The following SMURF2 variants were observed in gnomAD, a reference collection of about 807,000 sequenced individuals.
SMURF2 encodes the protein SMAD specific E3 ubiquitin protein ligase 2.
A neutral mutation model predicts 109.6 loss-of-function variants in SMURF2; 48 were observed. The ratio of observed to expected loss-of-function variants is 0.44; its 90% CI spans 0.35 to 0.56. The LOEUF (loss-of-function observed/expected upper bound fraction) is 0.56, where lower values mean the gene tolerates loss of function less well. SMURF2 is among the 20% of genes least tolerant of loss of function. The pLI, the probability that SMURF2 is intolerant of heterozygous loss-of-function variation, is 0.01. For synonymous variants in SMURF2, 288 were observed against 317.1 expected (o/e 0.91, Z 0.97); for missense variants, 575 against 909.0 (o/e 0.63, Z 4.72).
intron 1 of SMURF2, among the ~76,000 whole-genome samples, chr17:64,629,880 T>C (rs1399385328): frequency 1.3e-5 from 2 of 152,176 alleles, no homozygotes; most frequent in African/African-American, 4.8e-5. Context: ...AGGAAAGAAC[T>C]GTCCTGGGGG....
At chr17:64,635,169 A>G (rs2144714311) in intron 1 of SMURF2, among the ~76,000 whole-genome samples, 1 of 152,152 alleles carries the variant, frequency 6.6e-6, no homozygotes, top group African/African-American at 2.4e-5. Flanking sequence ...TCTATTAAAA[A>G]TACAAAAATT....
chr17:64,580,443 C>G (rs1036105944), intron 8 of SMURF2, among the ~76,000 whole-genome samples: 7 of 152,246 alleles, frequency 4.6e-5, no homozygotes, highest in African/African-American at 1.7e-4. Context: ...TTCAGATTAC[C>G]GTTATCAGTA....
At chr17:64,621,943 CCAT>C (rs1555690668) in intron 1 of SMURF2, among the ~76,000 whole-genome samples, 1 of 135,130 alleles carries the variant, frequency 7.4e-6, no homozygotes, top group Non-Finnish European at 1.5e-5. Context: ...CTGTAGTGAG[CCAT>C]CATCGCAATA....
chr17:64,636,367 C>A (rs550323602), intron 1 of SMURF2, among the ~76,000 whole-genome samples: 4 of 152,226 alleles, frequency 2.6e-5, no homozygotes, highest in Admixed American at 2.6e-4. Flanking sequence ...CTTTGGGAGG[C>A]TGAGGTTGGT....
At chr17:64,613,707 T>TGTGTGTGA (rs1970078707) in intron 1 of SMURF2, among the ~76,000 whole-genome samples, 1 of 133,480 alleles carries the variant, frequency 7.5e-6, no homozygotes, top group African/African-American at 2.9e-5. Context: ...TGTGTGTGTG[T>TGTGTGTGA]GTGTGTGTGT....
In SMURF2 at chr17:64,613,709, T is replaced by TGTGA. The variant is rs1555689810; in HGVS notation, c.53-7070_53-7069insTCAC. On this transcript the variant is annotated intron_variant, in intron 1 of 18. Coordinates refer to ENST00000262435, the MANE Select transcript of SMURF2 (RefSeq NM_022739.4). ...GTGTGTGTGTGTGTGTGTGTGTGTG[T>TGTGA]GTGTGTGTGTGTGTGTGTGTGTGTG... 3.1e-3 allele frequency among the ~76,000 whole-genome samples: 396 copies of TGTGA among 129,718 alleles called. 13 individuals carry two copies. Among genetic ancestry groups the TGTGA allele is most frequent in the African/African-American group, 0.012 (372 of 29,978 alleles). The allele number at this position is 129,718 out of a possible 152,430, so 85.1% of individuals were successfully genotyped here.
intron 1 of SMURF2, among the ~76,000 whole-genome samples, chr17:64,652,499 T>C (rs1345951162): frequency 6.6e-6 from 1 of 152,224 alleles, no homozygotes; most frequent in Non-Finnish European, 1.5e-5. Flanking sequence ...GTTTGTTTGT[T>C]TGTTTTGAGA....
At chr17:64,590,670 T>C (rs1555687627) in intron 5 of SMURF2, among the ~76,000 whole-genome samples, 1 of 152,198 alleles carries the variant, frequency 6.6e-6, no homozygotes, top group African/African-American at 2.4e-5. Flanking sequence ...CTACCATTGC[T>C]CATTCTGTTT....
rs1251692293 is a variant in SMURF2 at position 64,562,232 on chromosome 17, G to A, written c.1212+539C>T. Among the ~76,000 whole-genome samples, 2 of 126,408 alleles carry A rather than the reference G, an allele frequency of 1.6e-5. 1 individual carries two copies. The highest frequency in any genetic ancestry group is 5.5e-4 in the South Asian group (2 of 3,616). The allele number at this position is 126,408 out of a possible 152,430, so 82.9% of individuals were successfully genotyped here. ...CGCTTGAACCCAGGAGGCAGAGGTT[G>A]CAGTGAGCTGAGATTGCGTCACTGC... On this transcript the variant is annotated intron_variant, in intron 11 of 18. Transcript: ENST00000262435.
intron 16 of SMURF2, among the ~76,000 whole-genome samples, chr17:64,549,860 G>A (rs1473038774): frequency 6.6e-6 from 1 of 152,180 alleles, no homozygotes; most frequent in Non-Finnish European, 1.5e-5. Flanking sequence ...AAAGTCTCCA[G>A]TAAGGCTTCT....
chr17:64,613,553 C>A (rs191551567), intron 1 of SMURF2, among the ~76,000 whole-genome samples: 2 of 151,904 alleles, frequency 1.3e-5, no homozygotes, highest in African/African-American at 4.8e-5. Context: ...GGAGAGAAAT[C>A]TTGTTAGGTG....
At chr17:64,592,747 C>A (rs1555687789) in intron 4 of SMURF2, among the ~76,000 whole-genome samples, 1 of 152,078 alleles carries the variant, frequency 6.6e-6, no homozygotes, top group Non-Finnish European at 1.5e-5. Context: ...AATGGAAAGA[C>A]CCATCCAAAA....
At chr17:64,646,211 G>A (rs1164373048) in intron 1 of SMURF2, among the ~76,000 whole-genome samples, 2 of 150,858 alleles carry the variant, frequency 1.3e-5, no homozygotes, top group African/African-American at 4.9e-5. Context: ...GATTATAGGC[G>A]CACACCACCA....
intron 1 of SMURF2, among the ~76,000 whole-genome samples, chr17:64,649,343 G>A (rs138392304): frequency 6.6e-6 from 1 of 152,100 alleles, no homozygotes; most frequent in African/African-American, 2.4e-5. Context: ...TTTTGAAAGC[G>A]CCAGCATGCT....
rs200892915 is a variant in SMURF2, at chr17:64,606,688, A to C, written c.53-48T>G. ...ATACATGGGAAAAATTAAAATGTTA[A>C]GAGTGTACTGTTACATTTTAAAACA... On this transcript the variant is annotated intron_variant, in intron 1 of 18. Coordinates refer to ENST00000262435, the MANE Select transcript of SMURF2 (RefSeq NM_022739.4). The C allele has an allele frequency of 5.3e-6, 7 of 1,315,114 alleles. No individual in the cohort carries two copies. In the Admixed American group the frequency reaches 1.3e-4, roughly 24 times the overall value. The allele number at this position is 1,315,114 out of a possible 1,614,324, so 81.5% of individuals were successfully genotyped here.
intron 10 of SMURF2, among the ~76,000 whole-genome samples, chr17:64,566,468 A>G (rs1180961748): frequency 6.6e-6 from 1 of 151,478 alleles, no homozygotes; most frequent in Non-Finnish European, 1.5e-5. Flanking sequence ...ACTTTACCGA[A>G]CTAGTAGCTG....
At chr17:64,661,015 G>A (rs1598322640) in intron 1 of SMURF2, among the ~76,000 whole-genome samples, 1 of 152,084 alleles carries the variant, frequency 6.6e-6, no homozygotes, top group Non-Finnish European at 1.5e-5. Flanking sequence ...GAATGGGGAG[G>A]GTGGGGAGAG....
In SMURF2 at chr17:64,554,400, G is replaced by C. The variant is rs181307511; in HGVS notation, c.1748+456C>G. ...CCATAAGAAGTCTGGCTATCTTGTT[G>C]GGAGAGAGAGTGGCTATGGGGGGAG... On this transcript the variant is annotated intron_variant, in intron 15 of 18. Coordinates refer to ENST00000262435, the MANE Select transcript of SMURF2 (RefSeq NM_022739.4). Among the ~76,000 whole-genome samples, 40 of 152,318 alleles carry C rather than the reference G, an allele frequency of 2.6e-4. No individual in the cohort carries two copies. In the East Asian group the frequency reaches 7.3e-3, roughly 28 times the overall value.
At chr17:64,552,709 T>A (rs1443475280) in intron 15 of SMURF2, among the ~76,000 whole-genome samples, 1 of 152,182 alleles carries the variant, frequency 6.6e-6, no homozygotes, top group Non-Finnish European at 1.5e-5. Context: ...TTTTTATTAT[T>A]TTTAATTTAT....
Sources: gnomAD v4.1 joint callset for allele counts (sites outside exome capture counted in the v4.1 genomes callset) on GRCh38, gnomAD v4.1.1 for gene constraint, MANE v1.5 for transcripts, NCBI Gene and HGNC (gene_info 2026-07-23, HGNC 2026-07-21) for gene names.